The following LRP5 variants were observed in gnomAD, a reference collection of about 807,000 sequenced individuals.
LRP5 encodes the protein low-density lipoprotein receptor-related protein 5.
A neutral mutation model predicts 154.1 loss-of-function variants in LRP5; 62 were observed. That is an observed-to-expected ratio of 0.40 (90% CI 0.33 to 0.50). The LOEUF (loss-of-function observed/expected upper bound fraction) is 0.50. LRP5 is among the 20% of genes least tolerant of loss of function. LRP5 has a pLI of 0.55. For synonymous variants in LRP5, 966 were observed against 1,011.5 expected, an observed-to-expected ratio of 0.96 and a Z score of 0.85; for missense variants, 1,915 against 2,336.7, an observed-to-expected ratio of 0.82 and a Z score of 3.72.
At chr11:68,389,802 C>A in intron 6 of LRP5, 79 bp from the exon 7 acceptor site, 1 of 1,485,098 alleles carries the variant, frequency 6.7e-7, no homozygotes, top group Non-Finnish European at 9.4e-7. Context: ...GGCTTGGGGG[C>A]AGGCCTTGCT....
rs1405584354 is a variant in LRP5 at position 68,446,179 on chromosome 11, C to A, written c.4489-257C>A. 2.0e-5 allele frequency among the ~76,000 whole-genome samples: 3 copies of A among 152,334 alleles called. No individual in the cohort carries two copies. In the South Asian group the frequency reaches 6.2e-4, roughly 32 times the overall value. ...CACAGCCCAGCATCTGGTCACAAGGCAGGTACTTGGAAGGGCGCGGGCACC... is the reference window on the plus strand; with the variant it reads ...CACAGCCCAGCATCTGGTCACAAGGAAGGTACTTGGAAGGGCGCGGGCACC... On this transcript the variant is annotated intron_variant, in intron 21 of 22. Coordinates refer to ENST00000294304, the MANE Select transcript of LRP5 (RefSeq NM_002335.4).
chr11:68,422,937 G>A (rs898646829), intron 13 of LRP5, among the ~76,000 whole-genome samples: 24 of 150,134 alleles, frequency 1.6e-4, no homozygotes, highest in African/African-American at 4.9e-4. Flanking sequence ...GCCTCCTTCC[G>A]TTGGGGAAGG....
intron 9 of LRP5, 100 bp downstream of exon 9, chr11:68,406,913 G>C: frequency 8.4e-7 from 1 of 1,195,718 alleles, no homozygotes; most frequent in South Asian, 1.3e-5. Context: ...AAGCACTATC[G>C]TATTTATTGT....
chr11:68,430,486 A>G (rs1250017716), intron 17 of LRP5, among the ~76,000 whole-genome samples: 3 of 152,158 alleles, frequency 2.0e-5, no homozygotes, highest in Non-Finnish European at 4.4e-5. Flanking sequence ...GGTGTGTTTT[A>G]TCACCCAGCA....
At chr11:68,445,099 A>T (rs867486188) in intron 21 of LRP5, among the ~76,000 whole-genome samples, 1 of 151,912 alleles carries the variant, frequency 6.6e-6, no homozygotes, top group Admixed American at 6.6e-5. Flanking sequence ...TATTTTATTT[A>T]ATTTTAAATT....
At chr11:68,331,571 A>C (rs2098602772) in intron 1 of LRP5, among the ~76,000 whole-genome samples, 2 of 152,198 alleles carry the variant, frequency 1.3e-5, no homozygotes, top group African/African-American at 4.8e-5. Context: ...AGGTGTCTGA[A>C]ACCAGCTACC....
At chr11:68,356,758 A>T (rs966765057) in intron 2 of LRP5, among the ~76,000 whole-genome samples, 2 of 151,928 alleles carry the variant, frequency 1.3e-5, no homozygotes, top group African/African-American at 2.4e-5. Flanking sequence ...TCTGTGCTCC[A>T]CTCATTCATC....
chr11:68,382,866 T>C (rs1421979347), intron 5 of LRP5, among the ~76,000 whole-genome samples: 1 of 142,230 alleles, frequency 7.0e-6, no homozygotes, highest in Non-Finnish European at 1.5e-5. Flanking sequence ...ATTGTGCTAT[T>C]GTGTTACTTT....
chr11:68,386,231 T>C lies in LRP5; in HGVS notation c.1016-85T>C. On this transcript the variant is annotated intron_variant, in intron 5 of 22. Coordinates refer to ENST00000294304, the MANE Select transcript of LRP5 (RefSeq NM_002335.4). This position sits in a 1 kb window ranked among gnomAD's most constrained non-coding sequence, Gnocchi z 7.9. Reference sequence around the variant, plus strand: ...AGAGCCCTGGGGGCCTGGCTGAGTATTTCCCTTGCCCGGCCCACCCCAGGC... The same window carrying C: ...AGAGCCCTGGGGGCCTGGCTGAGTACTTCCCTTGCCCGGCCCACCCCAGGC... 1.3e-6 allele frequency: 2 copies of C among 1,556,532 alleles called. No individual in the cohort carries two copies. Among genetic ancestry groups the C allele is most frequent in the East Asian group, 4.5e-5 (2 of 44,586 alleles).
chr11:68,384,568 A>G (rs2098641967), intron 5 of LRP5, among the ~76,000 whole-genome samples: 1 of 152,194 alleles, frequency 6.6e-6, no homozygotes, highest in African/African-American at 2.4e-5. Context: ...AACCTCAGGA[A>G]GGATCTGTCA....
chr11:68,425,847 C>T (rs2098668459), intron 15 of LRP5, 131 bp from the exon 16 acceptor site: 2 of 804,432 alleles, frequency 2.5e-6, no homozygotes, highest in South Asian at 1.6e-5. Context: ...TGCTGCAGCT[C>T]CCACCCCTGT....
chr11:68,308,459 A>G (rs1423091202), upstream of LRP5, among the ~76,000 whole-genome samples: 1 of 152,208 alleles, frequency 6.6e-6, no homozygotes, highest in Non-Finnish European at 1.5e-5. Context: ...ACGAACTGAG[A>G]GTGAACATTT....
chr11:68,393,961 C>T (rs763406988), intron 7 of LRP5, among the ~76,000 whole-genome samples: 3 of 152,014 alleles, frequency 2.0e-5, no homozygotes, highest in South Asian at 2.1e-4. Context: ...CATTTGCGAA[C>T]GAGAAATGAG....
At chr11:68,392,998 G>GGGC (rs893176448) in intron 7 of LRP5, among the ~76,000 whole-genome samples, 1 of 151,928 alleles carries the variant, frequency 6.6e-6, no homozygotes, top group Non-Finnish European at 1.5e-5. Flanking sequence ...TGGTGGTGGT[G>GGGC]GGCACTTGTG....
chr11:68,323,651 C>T (rs1478640126), intron 1 of LRP5, among the ~76,000 whole-genome samples: 1 of 152,104 alleles, frequency 6.6e-6, no homozygotes, highest in Admixed American at 6.5e-5. Flanking sequence ...AACTCCTGGG[C>T]TTAAGTGATC....
intron 1 of LRP5, among the ~76,000 whole-genome samples, chr11:68,322,720 T>C (rs1047225149): frequency 1.2e-4 from 19 of 152,398 alleles, no homozygotes; most frequent in African/African-American, 4.6e-4. Context: ...GAGCAGATCT[T>C]ACCCATCTTT....
rs538999933 is a variant in LRP5 at position 68,412,636 on chromosome 11, C to A, written c.2503+1016C>A. On this transcript the variant is annotated intron_variant, in intron 11 of 22. Coordinates refer to ENST00000294304, the MANE Select transcript of LRP5 (RefSeq NM_002335.4). Reference sequence around the variant, plus strand: ...CTCCAGCCTGGGCAATAGAGTGAGACCGTCTCCAAAAAAAAAAAAAGAAGA... The same window carrying A: ...CTCCAGCCTGGGCAATAGAGTGAGAACGTCTCCAAAAAAAAAAAAAGAAGA... Among the ~76,000 whole-genome samples, 15 of 150,540 alleles carry A rather than the reference C, an allele frequency of 1.0e-4. No individual in the cohort carries two copies. In the South Asian group the frequency reaches 2.7e-3, roughly 28 times the overall value.
intron 1 of LRP5, among the ~76,000 whole-genome samples, chr11:68,334,858 T>C (rs1384183385): frequency 6.6e-6 from 1 of 152,062 alleles, no homozygotes; most frequent in Non-Finnish European, 1.5e-5. Flanking sequence ...AGAGTGAGAC[T>C]CTGTCTCAAA....
intron 20 of LRP5, among the ~76,000 whole-genome samples, chr11:68,439,468 C>T (rs2098676904): frequency 1.3e-5 from 2 of 152,220 alleles, no homozygotes; most frequent in Non-Finnish European, 2.9e-5. Flanking sequence ...TCGCAGCAGC[C>T]CCCAGAGAAC....
Sources: allele counts gnomAD v4.1 joint callset (sites outside exome capture counted in the v4.1 genomes callset), GRCh38; gene constraint gnomAD v4.1.1; non-coding constraint Gnocchi (gnomAD v3.1); transcripts MANE v1.5; gene names NCBI Gene and HGNC (gene_info 2026-07-23, HGNC 2026-07-21).